Variants in FAM13B observed in about 807,000 individuals in gnomAD.
FAM13B encodes protein FAM13B.
FAM13B carries 60 observed loss-of-function variants against 117.3 expected under a neutral mutation model. That is an observed-to-expected ratio of 0.51 (90% CI 0.42 to 0.63). The LOEUF (loss-of-function observed/expected upper bound fraction) is 0.63. FAM13B is among the 30% of genes least tolerant of loss of function. FAM13B has a pLI of 0.00. For synonymous variants in FAM13B, 332 were observed against 356.1 expected, an observed-to-expected ratio of 0.93 and a Z score of 0.76; for missense variants, 972 against 1,091.9, an observed-to-expected ratio of 0.89 and a Z score of 1.55.
chr5:137,968,885 T>C (rs1016338333), intron 10 of FAM13B, among the ~76,000 whole-genome samples: 3 of 152,184 alleles, frequency 2.0e-5, no homozygotes, highest in Admixed American at 6.5e-5. Flanking sequence ...CCCACCTGAA[T>C]ACTACGCTTT....
chr5:138,035,460 G>T (rs1349445490), upstream of FAM13B, among the ~76,000 whole-genome samples: 1 of 152,140 alleles, frequency 6.6e-6, no homozygotes, highest in Non-Finnish European at 1.5e-5. Flanking sequence ...AAAACAGTAT[G>T]TTCAACATAG....
intron 17 of FAM13B, among the ~76,000 whole-genome samples, chr5:137,949,617 TA>T (rs1764369174): frequency 6.6e-6 from 1 of 152,060 alleles, no homozygotes; most frequent in African/African-American, 2.4e-5. Flanking sequence ...CCGTCTCTAC[TA>T]AAAATACAAA....
chr5:137,946,101 C>T, intron 19 of FAM13B, 104 bp from the exon 20 acceptor site: 1 of 1,235,602 alleles, frequency 8.1e-7, no homozygotes, highest in South Asian at 1.3e-5. Flanking sequence ...ATATTAAATA[C>T]ATAGGCAATC....
chr5:137,977,974 T>A (rs1489840875), intron 10 of FAM13B, among the ~76,000 whole-genome samples: 1 of 152,242 alleles, frequency 6.6e-6, no homozygotes, highest in Non-Finnish European at 1.5e-5. Context: ...GCCTTTTGAC[T>A]ATGTGCCACA....
chr5:138,004,607 C>T (rs918886029), intron 7 of FAM13B, among the ~76,000 whole-genome samples: 4 of 152,168 alleles, frequency 2.6e-5, no homozygotes, highest in Non-Finnish European at 4.4e-5. Flanking sequence ...AATTTCAGTT[C>T]GTTTAAGTTT....
intron 18 of FAM13B, among the ~76,000 whole-genome samples, chr5:137,948,605 G>C (rs545813441): frequency 4.7e-4 from 71 of 152,166 alleles, no homozygotes; most frequent in African/African-American, 1.5e-3. Context: ...TTGTTGCTCA[G>C]GCTGGTCTCG....
At chr5:138,015,676 C>A (rs543467356) in intron 4 of FAM13B, among the ~76,000 whole-genome samples, 3 of 152,344 alleles carry the variant, frequency 2.0e-5, no homozygotes, top group Non-Finnish European at 4.4e-5. Context: ...GCACTCCAGC[C>A]TGGGTGACAG....
At chr5:137,945,320 G>C (rs943448159) in intron 20 of FAM13B, among the ~76,000 whole-genome samples, 1 of 151,788 alleles carries the variant, frequency 6.6e-6, no homozygotes, top group Non-Finnish European at 1.5e-5. Context: ...GTTAATTTGG[G>C]GACAGCACTT....
At chr5:138,013,321 G>T (rs971968330) in intron 4 of FAM13B, among the ~76,000 whole-genome samples, 2 of 152,044 alleles carry the variant, frequency 1.3e-5, no homozygotes, top group African/African-American at 4.8e-5. Flanking sequence ...CTAACACAGT[G>T]AAATCCCATC....
chr5:137,968,992 CAGTCT>C (rs1440159988), intron 10 of FAM13B, among the ~76,000 whole-genome samples: 4 of 152,206 alleles, frequency 2.6e-5, no homozygotes, highest in African/African-American at 9.7e-5. Context: ...GCTACCACAG[CAGTCT>C]GAGATCAAAC....
chr5:137,952,703 A>T lies in FAM13B; in HGVS notation c.1855T>A (p.Tyr619Asn), dbSNP rs1765383248. Residue 619 changes from tyrosine (Y) to asparagine (N), a missense_variant, in exon 17 of 24, where the codon TAC (tyrosine) becomes AAC (asparagine). Physicochemically the swap from Tyr to Asn is moderately radical, Grantham distance 143 (BLOSUM62 -2). Transcript: ENST00000689681. ...FERERNSKPS[Y>N]SDIAANPKVL... ...TTTGGATTGGCAGCAATATCACTGT[A>T]GGAGGGCTGAAAAATTATGGAGCAG... 6.3e-7 allele frequency: 1 copy of T among 1,597,982 alleles called. No homozygotes were observed. The highest frequency in any genetic ancestry group is 1.3e-5 in the African/African-American group (1 of 74,464).
intron 10 of FAM13B, among the ~76,000 whole-genome samples, chr5:137,972,894 C>T (rs1177678228): frequency 1.3e-5 from 2 of 151,666 alleles, no homozygotes; most frequent in Admixed American, 6.6e-5. Flanking sequence ...AGGAATCCAA[C>T]TTACAAGGGA....
chr5:137,959,626 A>G lies in FAM13B; in HGVS notation c.1431T>C (p.Asp477=), dbSNP rs1293536646. 1 of 1,613,870 alleles carries G rather than the reference A, an allele frequency of 6.2e-7. No homozygotes were observed. Among genetic ancestry groups the G allele is most frequent in the Non-Finnish European group, 8.5e-7 (1 of 1,179,806 alleles). The change falls in exon 13 of 24, where the codon GAT becomes GAC. Residue 477 remains aspartate (D), a synonymous_variant. Transcript: ENST00000689681. ...HLDLKNVSDG[D]KWEASCPITF... ...TGTGGGTAAAATTACCTTCCCATTT[A>G]TCACCATCAGAAACATTCTTCAGAT...
chr5:137,949,006 A>G lies in FAM13B; in HGVS notation c.2109T>C (p.Leu703=). 6.2e-7 allele frequency: 1 copy of G among 1,613,958 alleles called. No homozygotes were observed. The highest frequency in any genetic ancestry group is 8.5e-7 in the Non-Finnish European group (1 of 1,180,004). The change falls in exon 18 of 24, where the codon CTT becomes CTC. Residue 703 remains leucine, a synonymous_variant. Coordinates refer to ENST00000689681, the MANE Select transcript of FAM13B (RefSeq NM_001385994.1). The part of the protein sequence containing the change: ...PSKEATLELI[L]KRLKEKRIER... The stretch of plus-strand genomic sequence containing the variant: ...CAATACGTTTTTCTTTCAGTCTTTT[A>G]AGAATAAGTTCAAGGGTTGCTTCTT...
chr5:138,039,493 T>C (rs904312859), intron 1 of FAM13B: 1 of 152,170 alleles, frequency 6.6e-6, no homozygotes, highest in African/African-American at 2.4e-5. Context: ...CTGGGTCCAG[T>C]GGCCCAATTA....
At chr5:137,941,530 G>A (rs951827358) in intron 23 of FAM13B, among the ~76,000 whole-genome samples, 1 of 152,076 alleles carries the variant, frequency 6.6e-6, no homozygotes, top group Admixed American at 6.6e-5. Flanking sequence ...CCTTGGAAAC[G>A]GGCAACCTCA....
At chr5:138,003,416 C>T (rs1260164127) in intron 7 of FAM13B, among the ~76,000 whole-genome samples, 1 of 152,100 alleles carries the variant, frequency 6.6e-6, no homozygotes. Context: ...ATAGATACCA[C>T]CAAAAAAGTA....
rs564354919 is a variant in FAM13B at position 137,938,043 on chromosome 5, A to T, written c.*2182T>A. On this transcript the variant is annotated 3_prime_UTR_variant, in exon 24 of 24. Coordinates refer to ENST00000689681, the MANE Select transcript of FAM13B (RefSeq NM_001385994.1). Reference sequence around the variant, plus strand: ...AATGCCATTATACTGGTGGACATATATATCTATATATTATTTGTATATAGA... The same window carrying T: ...AATGCCATTATACTGGTGGACATATTTATCTATATATTATTTGTATATAGA... 3 of 152,144 alleles carry T rather than the reference A, an allele frequency of 2.0e-5. No individual in the cohort carries two copies. Among genetic ancestry groups the T allele is most frequent in the African/African-American group, 7.2e-5 (3 of 41,426 alleles). 9.4% of individuals were successfully genotyped at this position (152,144 alleles called of 1,614,324 possible). A position where few individuals can be genotyped will look rare whatever the true frequency, so the allele number is the denominator to read the frequency against.
At chr5:138,000,036 A>C (rs1281738961) in intron 7 of FAM13B, among the ~76,000 whole-genome samples, 1 of 152,218 alleles carries the variant, frequency 6.6e-6, no homozygotes, top group African/African-American at 2.4e-5. Flanking sequence ...ATTGCTACTA[A>C]AAAAGTTTAG....
Sources: allele counts gnomAD v4.1 joint callset (sites outside exome capture counted in the v4.1 genomes callset), GRCh38; gene constraint gnomAD v4.1.1; transcripts MANE v1.5; gene names NCBI Gene and HGNC (gene_info 2026-07-23, HGNC 2026-07-21).